TUBGCP5: variants seen among roughly 807,000 people sequenced by gnomAD.
TUBGCP5 encodes the protein gamma-tubulin complex component 5.
In TUBGCP5, 98 loss-of-function variants were observed where a neutral mutation model predicts 134.7. The ratio of observed to expected loss-of-function variants is 0.73; its 90% CI spans 0.62 to 0.86. TUBGCP5 has a LOEUF of 0.86. Among genes scored for constraint, TUBGCP5 ranks in the 40% least tolerant of loss-of-function variants. TUBGCP5 has a pLI of 0.00. For missense variants in TUBGCP5, 1,150 were observed against 1,244.8 expected, an observed-to-expected ratio of 0.92 and a Z score of 1.15; for synonymous variants, 456 against 431.4, an observed-to-expected ratio of 1.06 and a Z score of -0.71.
chr15:22,984,119 C>CA (rs1346716405), intron 23 of TUBGCP5, among the ~76,000 whole-genome samples: 2 of 150,980 alleles, frequency 1.3e-5, no homozygotes, highest in Admixed American at 6.6e-5. Context: ...GACCCTGTCT[C>CA]AAAAAAATAG....
At chr15:22,992,093 TGA>T in intron 23 of TUBGCP5, among the ~76,000 whole-genome samples, 1 of 152,294 alleles carries the variant, frequency 6.6e-6, no homozygotes, top group Non-Finnish European at 1.5e-5. Context: ...AGAGTGAATC[TGA>T]GAAGAATTGC....
intron 23 of TUBGCP5, among the ~76,000 whole-genome samples, chr15:22,986,604 G>T (rs1199813608): frequency 6.6e-6 from 1 of 151,986 alleles, no homozygotes; most frequent in Admixed American, 6.6e-5. Context: ...CGGGTGTGGT[G>T]GTGGGTGCCT....
chr15:23,036,466 CTTTTTT>C (rs879318837), intron 3 of TUBGCP5, among the ~76,000 whole-genome samples: 1 of 146,438 alleles, frequency 6.8e-6, no homozygotes, highest in Non-Finnish European at 1.5e-5. Context: ...AGGATAACAG[CTTTTTT>C]TTTTTAAGTT....
chr15:23,003,661 T>A (rs1253871625), intron 20 of TUBGCP5, among the ~76,000 whole-genome samples: 1 of 125,268 alleles, frequency 8.0e-6, no homozygotes, highest in Non-Finnish European at 1.6e-5. Context: ...TTTTTTTTTT[T>A]AAGAGACAAG....
At position 23,019,274 on chromosome 15, in the gene TUBGCP5, C is replaced by A; in HGVS notation, c.1432G>T (p.Glu478Ter). 6.2e-7 allele frequency: 1 copy of A among 1,614,102 alleles called. No individual in the cohort carries two copies. The highest frequency in any genetic ancestry group is 8.5e-7 in the Non-Finnish European group (1 of 1,180,008). The change falls in exon 12 of 23, where the codon GAG becomes TAG. Residue 478 changes from glutamate (E) to a stop codon, truncating the protein, a stop_gained. Coordinates refer to ENST00000615383, the MANE Select transcript of TUBGCP5 (RefSeq NM_052903.6). LOFTEE classifies it high-confidence loss of function. ...TVRPYLQTVD[E>*]WIVHGHLWDG... Reference sequence around the variant, plus strand: ...CACAGGTGCCCGTGCACGATCCACTCGTCCACCGTCTGCAGGTAAGGCCGC... The same window carrying A: ...CACAGGTGCCCGTGCACGATCCACTAGTCCACCGTCTGCAGGTAAGGCCGC...
At chr15:22,995,456 C>T (rs1190211781), downstream of TUBGCP5, among the ~76,000 whole-genome samples, 1 of 151,284 alleles carries the variant, frequency 6.6e-6, no homozygotes, top group African/African-American at 2.4e-5. Flanking sequence ...GCTTTAAAGA[C>T]ATTGTGTAAC....
rs760940972 is a variant in TUBGCP5 at position 23,031,956 on chromosome 15, G to A, written c.480C>T (p.Asp160=). 1 of 1,611,086 alleles carries A rather than the reference G, an allele frequency of 6.2e-7. No homozygotes were observed. The highest frequency in any genetic ancestry group is 8.5e-7 in the Non-Finnish European group (1 of 1,178,262). ...DEEMDIGPYM[D]TPNWSEESEE... ...CAAAACTACTACCACTTACTGGTGT[G>A]TCCATGTACGGACCAATGTCCATTT... is the stretch of plus-strand genomic sequence containing the variant. The change falls in exon 5 of 23, where the codon GAC becomes GAT. Residue 160 remains aspartate, a synonymous_variant. Coordinates refer to ENST00000615383, the MANE Select transcript of TUBGCP5 (RefSeq NM_052903.6).
chr15:23,022,236 A>G (rs2065746869), intron 10 of TUBGCP5, 75 bp from the exon 11 acceptor site: 1 of 1,504,480 alleles, frequency 6.6e-7, no homozygotes, highest in African/African-American at 1.4e-5. Flanking sequence ...AATGCTGGCA[A>G]ATCATCAGGC....
intron 1 of TUBGCP5, among the ~76,000 whole-genome samples, chr15:23,039,182 CG>C (rs1484214878): frequency 1.6e-4 from 25 of 151,942 alleles, no homozygotes; most frequent in Admixed American, 1.6e-3. Flanking sequence ...GATCAGGACG[CG>C]TCCCGGGTAA....
At chr15:23,012,236 A>G (rs545109544) in intron 13 of TUBGCP5, among the ~76,000 whole-genome samples, 21 of 152,206 alleles carry the variant, frequency 1.4e-4, no homozygotes, top group Non-Finnish European at 2.9e-4. Flanking sequence ...AACACTTCTG[A>G]CAGTGGCCCT....
Position 23,026,138 on chromosome 15 carries a change from G to A in TUBGCP5, c.805C>T (p.Gln269Ter), listed in dbSNP as rs1487005696. ...PDDRVLVTET[Q>*]VIRETLWLLS... ...TACCATAGGGTTTCCCGAATAACCT[G>A]AGTCTCAGTAACCAAAACCCTGTCA... Residue 269 changes from glutamine to a stop codon, truncating the protein, a stop_gained, in exon 8 of 23, where the codon CAG (glutamine) becomes TAG (stop). Transcript: ENST00000615383. LOFTEE classifies it high-confidence loss of function. 1 of 1,609,908 alleles carries A rather than the reference G, an allele frequency of 6.2e-7. No homozygotes were observed. Among genetic ancestry groups the A allele is most frequent in the East Asian group, 2.2e-5 (1 of 44,632 alleles).
Position 23,039,545 on chromosome 15 carries a change from T to A in TUBGCP5, c.-2A>T. 1 of 1,452,186 alleles carries A rather than the reference T, an allele frequency of 6.9e-7. No homozygotes were observed. The allele number at this position is 1,452,186 out of a possible 1,614,324, so 90.0% of individuals were successfully genotyped here. Reference sequence around the variant, plus strand: ...CCACGGTGGCCCGTGCCGCGCCATGTTCCGCGCTCCTGCAGCGCGCGTCTA... The same window carrying A: ...CCACGGTGGCCCGTGCCGCGCCATGATCCGCGCTCCTGCAGCGCGCGTCTA... On this transcript the variant is annotated 5_prime_UTR_variant, in exon 1 of 23. Transcript: ENST00000615383.
intron 23 of TUBGCP5, among the ~76,000 whole-genome samples, chr15:22,984,348 A>C (rs1416045848): frequency 1.3e-5 from 2 of 151,870 alleles, no homozygotes; most frequent in Non-Finnish European, 2.9e-5. Flanking sequence ...GGCTGGGCAC[A>C]GTGGCTCACA....
chr15:23,000,964 T>C (rs887982713), intron 21 of TUBGCP5, among the ~76,000 whole-genome samples: 2 of 152,206 alleles, frequency 1.3e-5, no homozygotes, highest in Non-Finnish European at 2.9e-5. Flanking sequence ...CTTGTTTTTA[T>C]TGTTTACAAG....
chr15:22,984,025 C>A (rs959650478), intron 23 of TUBGCP5, among the ~76,000 whole-genome samples: 1 of 151,934 alleles, frequency 6.6e-6, no homozygotes, highest in African/African-American at 2.4e-5. Flanking sequence ...GAGGCTGAGG[C>A]AGGAGAATCA....
At chr15:23,032,071 A>G (rs1204360306) in intron 4 of TUBGCP5, 42 bp from the exon 5 acceptor site, 1 of 1,486,472 alleles carries the variant, frequency 6.7e-7, no homozygotes, top group Non-Finnish European at 9.3e-7. Context: ...TATTATATCT[A>G]TCTTTGAAAA....
intron 14 of TUBGCP5, 69 bp from the exon 15 acceptor site, chr15:23,010,202 C>T: frequency 1.3e-6 from 2 of 1,482,078 alleles, no homozygotes; most frequent in South Asian, 1.3e-5. Flanking sequence ...AATCAAAACC[C>T]TGAAGTTCCA....
At chr15:22,994,780 A>T (rs955408696), downstream of TUBGCP5, among the ~76,000 whole-genome samples, 1 of 152,188 alleles carries the variant, frequency 6.6e-6, no homozygotes, top group Non-Finnish European at 1.5e-5. Context: ...TTTAATAAAG[A>T]TATGTTTAAC....
At chr15:22,987,757 G>A (rs1045888268) in intron 23 of TUBGCP5, among the ~76,000 whole-genome samples, 3 of 151,642 alleles carry the variant, frequency 2.0e-5, no homozygotes, top group African/African-American at 7.3e-5. Context: ...TTAGCCGGGC[G>A]TGGTGGCGGG....
Sources: gnomAD v4.1 joint callset for allele counts (sites outside exome capture counted in the v4.1 genomes callset) on GRCh38, gnomAD v4.1.1 for gene constraint, MANE v1.5 for transcripts, NCBI Gene and HGNC (gene_info 2026-07-23, HGNC 2026-07-21) for gene names.